The following UTRN variants were observed in gnomAD, a reference collection of about 807,000 sequenced individuals.
The protein encoded by UTRN is utrophin, also known as dystrophin-related protein 1.
A neutral mutation model predicts 463.9 loss-of-function variants in UTRN; 283 were observed. The observed-to-expected ratio is 0.61, with a 90% confidence interval of 0.55 to 0.67. The LOEUF (loss-of-function observed/expected upper bound fraction) is 0.67, where lower values mean the gene tolerates loss of function less well. Ranked by LOEUF, UTRN falls within the 30% of genes least tolerant of loss-of-function variation. The pLI, the probability that UTRN is intolerant of heterozygous loss-of-function variation, is 0.00. For synonymous variants in UTRN, 1,442 were observed against 1,431.5 expected, an observed-to-expected ratio of 1.01 and a Z score of -0.17; for missense variants, 3,922 against 4,084.3, an observed-to-expected ratio of 0.96 and a Z score of 1.08.
intron 52 of UTRN, among the ~76,000 whole-genome samples, chr6:144,689,805 A>T (rs540583286): frequency 3.5e-4 from 53 of 152,142 alleles, no homozygotes; most frequent in African/African-American, 1.2e-3. Context: ...TCACGTGGGC[A>T]GACTCAGGGC....
At chr6:144,745,424 C>G (rs895382430) in intron 54 of UTRN, among the ~76,000 whole-genome samples, 1 of 152,064 alleles carries the variant, frequency 6.6e-6, no homozygotes, top group African/African-American at 2.4e-5. Context: ...TTACTTTGCT[C>G]TGTGCTTGGC....
chr6:144,613,347 G>T (rs955700852), intron 51 of UTRN, among the ~76,000 whole-genome samples: 1 of 151,998 alleles, frequency 6.6e-6, no homozygotes. Context: ...AATGTGTTAT[G>T]TATTTCAAAA....
Position 144,548,858 on chromosome 6 carries a change from G to C in UTRN, c.6810+4G>C, listed in dbSNP as rs1562558301. 6.2e-7 allele frequency: 1 copy of C among 1,613,406 alleles called. No homozygotes were observed. Among genetic ancestry groups the C allele is most frequent in the Admixed American group, 1.7e-5 (1 of 59,928 alleles). On this transcript the variant is annotated splice_donor_region_variant and intron_variant, in intron 47 of 74. Transcript: ENST00000367545. ...TAAGACCGTTTCCCGAATGAAAGTA[G>C]GTGCATAGTGTAAAAGCTTGTCATG...
At chr6:144,406,326 C>G (rs1783392386) in intron 3 of UTRN, among the ~76,000 whole-genome samples, 1 of 150,520 alleles carries the variant, frequency 6.6e-6, no homozygotes, top group Non-Finnish European at 1.5e-5. Context: ...GCTCCACCTT[C>G]TCCATCTCCC....
intron 9 of UTRN, among the ~76,000 whole-genome samples, chr6:144,434,443 C>G (rs1433579112): frequency 6.6e-6 from 1 of 152,062 alleles, no homozygotes; most frequent in Non-Finnish European, 1.5e-5. Context: ...GGGGCTGGCT[C>G]CCAGGTTTGT....
chr6:144,527,377 T>C (rs934261669), intron 41 of UTRN, among the ~76,000 whole-genome samples: 1 of 152,220 alleles, frequency 6.6e-6, no homozygotes, highest in African/African-American at 2.4e-5. Context: ...GTTAATGTGA[T>C]AGATTCTTCT....
intron 2 of UTRN, among the ~76,000 whole-genome samples, chr6:144,392,914 G>T (rs1292521715): frequency 6.6e-6 from 1 of 152,180 alleles, no homozygotes; most frequent in Non-Finnish European, 1.5e-5. Flanking sequence ...GACAATTTAA[G>T]AATGCAAAAC....
chr6:144,582,906 AGGT>A (rs1421720705), intron 51 of UTRN, among the ~76,000 whole-genome samples: 1 of 152,160 alleles, frequency 6.6e-6, no homozygotes, highest in Admixed American at 6.5e-5. Context: ...CATCAGAGTC[AGGT>A]GTACCCTTCT....
intron 14 of UTRN, 112 bp downstream of exon 14, chr6:144,444,494 A>T: frequency 1.7e-6 from 1 of 586,900 alleles, no homozygotes; most frequent in East Asian, 3.8e-5. Flanking sequence ...AGGAAAATAT[A>T]TAAATAATTA....
chr6:144,426,068 T>C (rs1231821533), intron 6 of UTRN, among the ~76,000 whole-genome samples: 1 of 152,188 alleles, frequency 6.6e-6, no homozygotes, highest in African/African-American at 2.4e-5. Flanking sequence ...TGTATAAAAG[T>C]GAGGTAAAAA....
chr6:144,579,854 C>T (rs932924962), intron 51 of UTRN, among the ~76,000 whole-genome samples: 3 of 151,966 alleles, frequency 2.0e-5, no homozygotes, highest in African/African-American at 7.3e-5. Flanking sequence ...TAAATATGTA[C>T]ATTTATGTTT....
At chr6:144,389,635 G>A (rs575513097) in intron 2 of UTRN, among the ~76,000 whole-genome samples, 6 of 151,220 alleles carry the variant, frequency 4.0e-5, no homozygotes, top group Admixed American at 3.3e-4. Flanking sequence ...GTCTGGCTGT[G>A]TTGCCCAGGC....
chr6:144,562,657 A>T (rs184572504), intron 50 of UTRN, among the ~76,000 whole-genome samples: 2 of 152,318 alleles, frequency 1.3e-5, no homozygotes, highest in African/African-American at 4.8e-5. Flanking sequence ...CAGTGCTGCA[A>T]TGAACATACA....
chr6:144,616,765 T>A (rs1806155135), intron 51 of UTRN, among the ~76,000 whole-genome samples: 2 of 152,114 alleles, frequency 1.3e-5, no homozygotes, highest in African/African-American at 4.8e-5. Context: ...CACTGGCTCA[T>A]TGTACAGTCT....
intron 37 of UTRN, 79 bp from the exon 38 acceptor site, chr6:144,516,150 C>G: frequency 1.4e-6 from 2 of 1,438,526 alleles, no homozygotes; most frequent in Non-Finnish European, 1.9e-6. Flanking sequence ...TAGTTTCTCT[C>G]TTGACACCCC....
chr6:144,500,793 G>C (rs961554771), intron 34 of UTRN, among the ~76,000 whole-genome samples: 1 of 152,202 alleles, frequency 6.6e-6, no homozygotes, highest in Non-Finnish European at 1.5e-5. Context: ...TTGATTTGCT[G>C]GTTCTGGCTT....
chr6:144,815,238 C>T (rs1778974629), intron 65 of UTRN, among the ~76,000 whole-genome samples: 1 of 152,206 alleles, frequency 6.6e-6, no homozygotes, highest in East Asian at 1.9e-4. Context: ...AATTAGTCAA[C>T]ACAGTAAAAT....
chr6:144,562,594 C>G (rs1303666177), intron 50 of UTRN, among the ~76,000 whole-genome samples: 1 of 152,172 alleles, frequency 6.6e-6, no homozygotes, highest in East Asian at 1.9e-4. Flanking sequence ...TTTCTTTATC[C>G]AGTCCATCAT....
At chr6:144,642,047 C>T (rs1464273018) in intron 51 of UTRN, among the ~76,000 whole-genome samples, 1 of 152,022 alleles carries the variant, frequency 6.6e-6, no homozygotes, top group Admixed American at 6.6e-5. Context: ...AGTGTATGTC[C>T]CTTTTTGAAA....
Sources: allele counts gnomAD v4.1 joint callset (sites outside exome capture counted in the v4.1 genomes callset), GRCh38; gene constraint gnomAD v4.1.1; transcripts MANE v1.5; gene names NCBI Gene and HGNC (gene_info 2026-07-23, HGNC 2026-07-21).